PLXNA2: variants seen among roughly 807,000 people sequenced by gnomAD.
The protein encoded by PLXNA2 is plexin-A2.
In PLXNA2, 91 loss-of-function variants were observed where a neutral mutation model predicts 193.5. The ratio of observed to expected loss-of-function variants is 0.47; its 90% CI spans 0.40 to 0.56. The LOEUF is 0.56. PLXNA2 is among the 20% of genes least tolerant of loss of function. PLXNA2 has a pLI of 0.00. For synonymous variants in PLXNA2, 997 were observed against 1,027.3 expected (o/e 0.97, Z 0.56); for missense variants, 1,995 against 2,503.2 (o/e 0.80, Z 4.33).
At chr1:208,073,397 G>A (rs546324224) in intron 12 of PLXNA2, among the ~76,000 whole-genome samples, 1 of 152,324 alleles carries the variant, frequency 6.6e-6, no homozygotes, top group Non-Finnish European at 1.5e-5. Flanking sequence ...CTTCCAGGTG[G>A]CCAATGTTCA....
intron 3 of PLXNA2, among the ~76,000 whole-genome samples, chr1:208,144,502 G>A (rs756989855): frequency 4.6e-5 from 7 of 152,168 alleles, no homozygotes; most frequent in Admixed American, 1.3e-4. Flanking sequence ...GGGGGTCCCC[G>A]GTGGTAGAAA....
At chr1:208,225,142 GC>G (rs1464755733) in intron 1 of PLXNA2, among the ~76,000 whole-genome samples, 2 of 152,190 alleles carry the variant, frequency 1.3e-5, no homozygotes, top group African/African-American at 4.8e-5. Context: ...GTGAACAGAG[GC>G]AGGGTAATGG....
chr1:208,155,729 C>A (rs561168148), intron 3 of PLXNA2, among the ~76,000 whole-genome samples: 1 of 152,226 alleles, frequency 6.6e-6, no homozygotes, highest in East Asian at 2.0e-4. Flanking sequence ...TCCCACCCTC[C>A]CTGCCCAGCT....
intron 1 of PLXNA2, among the ~76,000 whole-genome samples, chr1:208,226,153 C>T (rs1046961208): frequency 2.0e-5 from 3 of 152,118 alleles, no homozygotes; most frequent in Non-Finnish European, 2.9e-5. Flanking sequence ...CTTTGGGATG[C>T]GAATTAGGAT....
intron 17 of PLXNA2, among the ~76,000 whole-genome samples, chr1:208,046,696 G>T (rs1665079445): frequency 6.6e-6 from 1 of 151,682 alleles, no homozygotes; most frequent in Admixed American, 6.6e-5. Context: ...TAAGGAGAGG[G>T]AGGGGGAAGG....
intron 3 of PLXNA2, among the ~76,000 whole-genome samples, chr1:208,158,003 T>C (rs975608143): frequency 2.6e-5 from 4 of 152,132 alleles, no homozygotes; most frequent in Admixed American, 1.3e-4. Context: ...AAAGCATTCC[T>C]CACTGGCACC....
chr1:208,106,408 C>A (rs564511677), intron 4 of PLXNA2, among the ~76,000 whole-genome samples: 1 of 152,172 alleles, frequency 6.6e-6, no homozygotes, highest in Non-Finnish European at 1.5e-5. Flanking sequence ...CTTCAAGTTG[C>A]GAACAGGCTA....
intron 3 of PLXNA2, among the ~76,000 whole-genome samples, chr1:208,195,772 C>A (rs1309033189): frequency 6.6e-6 from 1 of 151,606 alleles, no homozygotes; most frequent in Non-Finnish European, 1.5e-5. Flanking sequence ...ACTGGGGAGG[C>A]ATCAAGGAGA....
In PLXNA2 at chr1:208,210,184, C is replaced by T. The variant is rs186971536; in HGVS notation, c.1371+96G>A. ...TTTGTTCCCCAAGAAAATAAAGTTG[C>T]CTATAGTTAAATCTCCACCAATAGC... On this transcript the variant is annotated intron_variant, in intron 3 of 31. Coordinates refer to ENST00000367033, the MANE Select transcript of PLXNA2 (RefSeq NM_025179.4). 10 of 1,338,000 alleles carry T rather than the reference C, an allele frequency of 7.5e-6. No individual in the cohort carries two copies. The African/African-American group carries it at 1.3e-4, about 17-fold the overall frequency. 82.9% of individuals were successfully genotyped at this position (1,338,000 alleles called of 1,614,324 possible).
intron 12 of PLXNA2, among the ~76,000 whole-genome samples, chr1:208,067,725 G>A (rs1476380112): frequency 6.6e-6 from 1 of 152,166 alleles, no homozygotes; most frequent in African/African-American, 2.4e-5. Flanking sequence ...CACTGTCTAG[G>A]TTTGTGTAAA....
At chr1:208,219,237 G>A (rs1671242052) in intron 1 of PLXNA2, among the ~76,000 whole-genome samples, 1 of 152,202 alleles carries the variant, frequency 6.6e-6, no homozygotes, top group South Asian at 2.1e-4. Context: ...GGGCTCCTGA[G>A]GACAGCCTGT....
intron 5 of PLXNA2, among the ~76,000 whole-genome samples, chr1:208,102,599 G>A (rs1390798294): frequency 6.6e-6 from 1 of 152,218 alleles, no homozygotes; most frequent in Non-Finnish European, 1.5e-5. Flanking sequence ...CCTTTTCTGG[G>A]CTTCCTTATT....
chr1:208,228,505 C>A (rs998635372), intron 1 of PLXNA2, among the ~76,000 whole-genome samples: 88 of 152,300 alleles, frequency 5.8e-4, no homozygotes, highest in African/African-American at 2.0e-3. Flanking sequence ...CACAGATCTG[C>A]AAGTTGTGCC....
chr1:208,147,085 C>T (rs1442160378), intron 3 of PLXNA2, among the ~76,000 whole-genome samples: 1 of 152,174 alleles, frequency 6.6e-6, no homozygotes, highest in Admixed American at 6.5e-5. Flanking sequence ...TGCAGTGGCG[C>T]AATCACAGCT....
Position 208,024,819 on chromosome 1 carries a change from C to T in PLXNA2, c.*2424G>A, listed in dbSNP as rs1408411520. ...GATGCCAGTCTGAGCAGCCATGCGG[C>T]CAGAAAATCTTCACCCAAACAGAGC... On this transcript the variant is annotated 3_prime_UTR_variant, in exon 32 of 32. Transcript: ENST00000367033. 6.6e-6 allele frequency: 1 copy of T among 152,172 alleles called. No homozygotes were observed. The highest frequency in any genetic ancestry group is 2.4e-5 in the African/African-American group (1 of 41,450). The allele number at this position is 152,172 out of a possible 1,614,324, so 9.4% of individuals were successfully genotyped here.
intron 3 of PLXNA2, among the ~76,000 whole-genome samples, chr1:208,166,011 T>C (rs961269944): frequency 2.6e-5 from 4 of 152,192 alleles, no homozygotes; most frequent in African/African-American, 9.6e-5. Flanking sequence ...TTCCCATGCG[T>C]AGGCCTCATC....
intron 12 of PLXNA2, among the ~76,000 whole-genome samples, chr1:208,066,221 G>A (rs1203256058): frequency 2.6e-5 from 4 of 152,352 alleles, no homozygotes; most frequent in African/African-American, 9.6e-5. Context: ...GACCTCAGAA[G>A]TGAGAGCTAG....
chr1:208,141,335 A>G (rs1204774642), intron 4 of PLXNA2, among the ~76,000 whole-genome samples: 1 of 152,184 alleles, frequency 6.6e-6, no homozygotes, highest in East Asian at 1.9e-4. Flanking sequence ...GGAAAGGGTA[A>G]GTTTGATCAA....
chr1:208,213,347 G>T (rs1417749435), intron 2 of PLXNA2, among the ~76,000 whole-genome samples: 1 of 152,230 alleles, frequency 6.6e-6, no homozygotes, highest in Admixed American at 6.5e-5. Context: ...TCAATAGAGA[G>T]AGACTGGACT....
Sources: allele counts gnomAD v4.1 joint callset (sites outside exome capture counted in the v4.1 genomes callset), GRCh38; gene constraint gnomAD v4.1.1; transcripts MANE v1.5; gene names NCBI Gene and HGNC (gene_info 2026-07-23, HGNC 2026-07-21).